The following ZBTB33 variants were observed in gnomAD, a reference collection of about 807,000 sequenced individuals.
ZBTB33 encodes transcriptional regulator Kaiso.
In ZBTB33, 11 loss-of-function variants were observed where a neutral mutation model predicts 25.9. That is an observed-to-expected ratio of 0.42 (90% CI 0.27 to 0.70). The LOEUF is 0.70. Ranked by LOEUF, ZBTB33 falls within the 30% of genes least tolerant of loss-of-function variation. ZBTB33 has a pLI of 0.23. For synonymous variants in ZBTB33, 157 were observed against 184.8 expected, an observed-to-expected ratio of 0.85 and a Z score of 1.22; for missense variants, 343 against 501.1, an observed-to-expected ratio of 0.68 and a Z score of 3.01.
chrX:120,251,687 G>T (rs1034433762), intron 1 of ZBTB33, among the ~76,000 whole-genome samples: 1 of 112,060 alleles, frequency 8.9e-6, no homozygotes, highest in African/African-American at 3.2e-5. Context: ...CAGCTCCTCC[G>T]AACTGGCCCT....
In ZBTB33 at chrX:120,253,628, C is replaced by T. The variant is rs782622443; in HGVS notation, c.213C>T (p.Ser71=). 1.7e-6 allele frequency: 2 copies of T among 1,210,674 alleles called. No individual in the cohort carries two copies. Among genetic ancestry groups the T allele is most frequent in the Non-Finnish European group, 1.1e-6 (1 of 895,352 alleles). Residue 71 remains serine (S), a synonymous_variant, in exon 3 of 3, where the codon AGC becomes AGT. Transcript: ENST00000557385. ...FSVAGQVVEL[S]FIRAEIFAEI... ...TTGCTGGGCAAGTTGTTGAACTGAG[C>T]TTTATAAGAGCAGAGATCTTTGCAG...
rs1370693053 is a variant in ZBTB33, at chrX:120,256,919, T to C, written c.*1485T>C. 2 of 122,488 alleles carry C rather than the reference T, an allele frequency of 1.6e-5. No homozygotes were observed. The highest frequency in any genetic ancestry group is 6.5e-5 in the African/African-American group (2 of 30,673). 10.1% of individuals were successfully genotyped at this position (122,488 alleles called of 1,213,427 possible). A position where few individuals can be genotyped will look rare whatever the true frequency, so the allele number is the denominator to read the frequency against. ...TATTTTCTTTCTCCTGACCATGTAT[T>C]TTAAAATATAGTCTATTTCTTGACT... is the stretch of plus-strand genomic sequence containing the variant. On this transcript the variant is annotated 3_prime_UTR_variant, in exon 3 of 3. Transcript: ENST00000557385.
At position 120,254,968 on chromosome X, in the gene ZBTB33, G is replaced by C. The variant is rs782184428; in HGVS notation, c.1553G>C (p.Trp518Ser). ...CGGAGACATTTTAACATTCATTCTT[G>C]GGAGAAGAAGTATCCGTGCCGTTAC... ...SLRRHFNIHS[W>S]EKKYPCRYCE... is the part of the protein sequence containing the mutation. Residue 518 changes from tryptophan to serine, a missense_variant, in exon 3 of 3, where the codon TGG becomes TCG. Around this residue, in one of 2 missense-constraint regions of ZBTB33, gnomAD observed 304 missense variants for 410.0 expected, o/e 0.74. Transcript: ENST00000557385. 8.3e-7 allele frequency: 1 copy of C among 1,211,894 alleles called. No homozygotes were observed. Among genetic ancestry groups the C allele is most frequent in the East Asian group, 3.0e-5 (1 of 33,856 alleles).
chrX:120,254,848 T>C lies in ZBTB33; in HGVS notation c.1433T>C (p.Val478Ala). ...GSEMANKRMK[V>A]KHDDHYELIV... ...GAGATGGCAAACAAACGTATGAAAGTAAAACATGATGATCACTATGAGTTA... is the reference window on the plus strand; with the variant it reads ...GAGATGGCAAACAAACGTATGAAAGCAAAACATGATGATCACTATGAGTTA... Residue 478 changes from valine (V) to alanine (A), a missense_variant, in exon 3 of 3, where the codon GTA becomes GCA. Val to Ala is a moderately conservative substitution (Grantham distance 64). Around this residue, in one of 2 missense-constraint regions of ZBTB33, gnomAD observed 304 missense variants for 410.0 expected, o/e 0.74. Transcript: ENST00000557385. 6 of 1,211,915 alleles carry C rather than the reference T, an allele frequency of 5.0e-6. No homozygotes were observed. The highest frequency in any genetic ancestry group is 6.7e-6 in the Non-Finnish European group (6 of 895,496).
Position 120,255,515 on chromosome X carries a change from G to A in ZBTB33, c.*81G>A, listed in dbSNP as rs781906430. On this transcript the variant is annotated 3_prime_UTR_variant, in exon 3 of 3. Coordinates refer to ENST00000557385, the MANE Select transcript of ZBTB33 (RefSeq NM_001184742.2). ...AGATCTGTAAAACAAATTAAGGTGC[G>A]AACAAGTTAATTTGATCTGCCACAT... 21 of 808,058 alleles carry A rather than the reference G, an allele frequency of 2.6e-5. No individual in the cohort carries two copies. In the Middle Eastern group the frequency reaches 1.9e-3, roughly 72 times the overall value. 66.6% of individuals were successfully genotyped at this position (808,058 alleles called of 1,213,427 possible). A position where few individuals can be genotyped will look rare whatever the true frequency, so the allele number is the denominator to read the frequency against.
At chrX:120,251,809 G>A (rs782636934) in intron 1 of ZBTB33, among the ~76,000 whole-genome samples, 7 of 112,035 alleles carry the variant, frequency 6.2e-5, no homozygotes, top group South Asian at 3.7e-4. Context: ...TGAGTGGGAG[G>A]AGGGGGACAC....
At chrX:120,253,307 T>A in intron 2 of ZBTB33, 107 bp from the exon 3 acceptor site, 1 of 840,041 alleles carries the variant, frequency 1.2e-6, no homozygotes, top group Non-Finnish European at 1.6e-6. Flanking sequence ...GAACTTTGGT[T>A]AAAACTTGAA....
chrX:120,254,874 A>G lies in ZBTB33; in HGVS notation c.1459A>G (p.Ile487Val), dbSNP rs782120191. The G allele has an allele frequency of 1.7e-6, 2 of 1,212,120 alleles. No homozygotes were observed. The highest frequency in any genetic ancestry group is 2.2e-6 in the Non-Finnish European group (2 of 895,513). ...KVKHDDHYEL[I>V]VDGRVYYICI... The stretch of plus-strand genomic sequence containing the variant: ...AAAACATGATGATCACTATGAGTTA[A>G]TAGTAGATGGAAGGGTCTATTATAT... The change falls in exon 3 of 3, where the codon ATA becomes GTA. Residue 487 changes from isoleucine to valine, a missense_variant. Transcript: ENST00000557385.
In ZBTB33 at chrX:120,253,374, C is replaced by G. The variant is rs782656686; in HGVS notation, c.-2-40C>G. Reference sequence around the variant, plus strand: ...CTAAATAAGTACTTTTGTTTTTTCTCTCTAATCCTCTCCCATCCCCTCCTC... The same window carrying G: ...CTAAATAAGTACTTTTGTTTTTTCTGTCTAATCCTCTCCCATCCCCTCCTC... On this transcript the variant is annotated intron_variant, in intron 2 of 2. Transcript: ENST00000557385. 5 of 1,121,200 alleles carry G rather than the reference C, an allele frequency of 4.5e-6. No homozygotes were observed. In the African/African-American group the frequency reaches 9.2e-5, roughly 21 times the overall value. 92.4% of individuals were successfully genotyped at this position (1,121,200 alleles called of 1,213,427 possible).
In ZBTB33 at chrX:120,253,593, C is replaced by T. The variant is rs1217251152; in HGVS notation, c.178C>T (p.Leu60Phe). 1 of 1,210,860 alleles carries T rather than the reference C, an allele frequency of 8.3e-7. No individual in the cohort carries two copies. Among genetic ancestry groups the T allele is most frequent in the Non-Finnish European group, 1.1e-6 (1 of 895,468 alleles). ...AGCTTCTAGTACCTACTTCCATCAG[C>T]TCTTCTCTGTTGCTGGGCAAGTTGT... ...LSASSTYFHQLFSVAGQVVEL... is the reference protein window; with the variant it reads ...LSASSTYFHQFFSVAGQVVEL... Residue 60 changes from leucine (L) to phenylalanine (F), a missense_variant, in exon 3 of 3, where the codon CTC (leucine) becomes TTC (phenylalanine). Physicochemically the swap from Leu to Phe is conservative, Grantham distance 22. This residue lies in a region of ZBTB33 where 39 missense variants were observed against 91.1 expected (regional missense o/e 0.43). Coordinates refer to ENST00000557385, the MANE Select transcript of ZBTB33 (RefSeq NM_001184742.2).
At chrX:120,253,322 C>CT in intron 2 of ZBTB33, 92 bp from the exon 3 acceptor site, 1 of 869,348 alleles carries the variant, frequency 1.2e-6, no homozygotes, top group Non-Finnish European at 1.6e-6. Context: ...CTTGAATAAA[C>CT]TATTTAATGA....
intron 2 of ZBTB33, among the ~76,000 whole-genome samples, chrX:120,253,206 T>TG (rs1218606187): frequency 8.9e-6 from 1 of 112,086 alleles, no homozygotes; most frequent in Admixed American, 9.4e-5. Context: ...ATGTAAAACT[T>TG]GCTCAACTCA....
chrX:120,251,178 C>T (rs1422792164), intron 1 of ZBTB33, among the ~76,000 whole-genome samples: 1 of 111,912 alleles, frequency 8.9e-6, no homozygotes, highest in Non-Finnish European at 1.9e-5. Flanking sequence ...CGGTCCCCTT[C>T]GCCGTTAGGG....
chrX:120,254,838 C>T lies in ZBTB33; in HGVS notation c.1423C>T (p.Arg475Cys). 1 of 1,211,628 alleles carries T rather than the reference C, an allele frequency of 8.3e-7. No homozygotes were observed. The highest frequency in any genetic ancestry group is 1.8e-5 in the South Asian group (1 of 56,991). ...KTSGSEMANK[R>C]MKVKHDDHYE... ...GTCTGGCAGCGAGATGGCAAACAAACGTATGAAAGTAAAACATGATGATCA... is the reference window on the plus strand; with the variant it reads ...GTCTGGCAGCGAGATGGCAAACAAATGTATGAAAGTAAAACATGATGATCA... Residue 475 changes from arginine to cysteine, a missense_variant, in exon 3 of 3, where the codon CGT becomes TGT. Around this residue, in one of 2 missense-constraint regions of ZBTB33, gnomAD observed 304 missense variants for 410.0 expected, o/e 0.74. Coordinates refer to ENST00000557385, the MANE Select transcript of ZBTB33 (RefSeq NM_001184742.2).
chrX:120,255,523 T>G lies in ZBTB33; in HGVS notation c.*89T>G, dbSNP rs374847229. Reference sequence around the variant, plus strand: ...AAAACAAATTAAGGTGCGAACAAGTTAATTTGATCTGCCACATTATCTGAA... The same window carrying G: ...AAAACAAATTAAGGTGCGAACAAGTGAATTTGATCTGCCACATTATCTGAA... On this transcript the variant is annotated 3_prime_UTR_variant, in exon 3 of 3. Coordinates refer to ENST00000557385, the MANE Select transcript of ZBTB33 (RefSeq NM_001184742.2). 1.4e-6 allele frequency: 1 copy of G among 731,765 alleles called. No homozygotes were observed. 60.3% of individuals were successfully genotyped at this position (731,765 alleles called of 1,213,427 possible).
chrX:120,253,452 C>G lies in ZBTB33; in HGVS notation c.37C>G (p.Gln13Glu), dbSNP rs1057518570. The part of the protein sequence containing the change: ...SRKLISATDI[Q>E]YSGSLLNSLN... ...AAAACTGATTTCTGCTACAGACATT[C>G]AGTACTCTGGCAGTCTGCTGAACTC... is the stretch of plus-strand genomic sequence containing the variant. Residue 13 changes from glutamine to glutamate, a missense_variant, in exon 3 of 3, where the codon CAG becomes GAG. This residue lies in a region of ZBTB33 where 39 missense variants were observed against 91.1 expected (regional missense o/e 0.43). Transcript: ENST00000557385. 1 of 1,211,592 alleles carries G rather than the reference C, an allele frequency of 8.3e-7. No individual in the cohort carries two copies. The highest frequency in any genetic ancestry group is 1.8e-5 in the South Asian group (1 of 56,927).
At position 120,253,426 on chromosome X, in the gene ZBTB33, G is replaced by A; in HGVS notation, c.11G>A (p.Arg4Lys). The A allele has an allele frequency of 8.3e-7, 1 of 1,209,167 alleles. No individual in the cohort carries two copies. Among genetic ancestry groups the A allele is most frequent in the Non-Finnish European group, 1.1e-6 (1 of 893,776 alleles). The change falls in exon 3 of 3, where the codon AGA (arginine) becomes AAA (lysine). Residue 4 changes from arginine (R) to lysine (K), a missense_variant. By Grantham distance (26) the Arg-to-Lys change is conservative. Transcript: ENST00000557385. Reference sequence around the variant, plus strand: ...CTTTCTCTTAAAGGCATGGAGAGTAGAAAACTGATTTCTGCTACAGACATT... The same window carrying A: ...CTTTCTCTTAAAGGCATGGAGAGTAAAAAACTGATTTCTGCTACAGACATT... Reference protein sequence around the residue: MESRKLISATDIQY... With the variant: MESKKLISATDIQY...
At position 120,255,373 on chromosome X, in the gene ZBTB33, T is replaced by G; in HGVS notation, c.1958T>G (p.Phe653Cys). The change falls in exon 3 of 3, where the codon TTT becomes TGT. Residue 653 changes from phenylalanine to cysteine, a missense_variant. This residue lies in a region of ZBTB33 where 304 missense variants were observed against 410.0 expected (regional missense o/e 0.74). Transcript: ENST00000557385. ...ATTCAGCAGGAAAATGATTCAATTT[T>G]TAAACAAAATGTAACAGATGGCAGT... ...IFIQQENDSI[F>C]KQNVTDGSTE... 8.3e-7 allele frequency: 1 copy of G among 1,211,299 alleles called. No homozygotes were observed. Among genetic ancestry groups the G allele is most frequent in the Non-Finnish European group, 1.1e-6 (1 of 895,069 alleles).
Position 120,255,459 on chromosome X carries a change from T to C in ZBTB33, c.*25T>C, listed in dbSNP as rs782173779. ...AACTCCTTTGAAATACTAGAAAGTT[T>C]TGTTTTGGATGATGGGGCAGGGGTT... On this transcript the variant is annotated 3_prime_UTR_variant, in exon 3 of 3. Transcript: ENST00000557385. The C allele has an allele frequency of 8.9e-6, 10 of 1,121,598 alleles. 1 individual carries two copies. In the African/African-American group the frequency reaches 1.8e-4, roughly 20 times the overall value. 92.4% of individuals were successfully genotyped at this position (1,121,598 alleles called of 1,213,427 possible).
Sources: allele counts gnomAD v4.1 joint callset (sites outside exome capture counted in the v4.1 genomes callset), GRCh38; gene constraint gnomAD v4.1.1; regional missense constraint gnomAD v4.1.1; transcripts MANE v1.5; gene names NCBI Gene and HGNC (gene_info 2026-07-23, HGNC 2026-07-21).